Variants in CACNB4 observed in about 807,000 individuals in gnomAD.
CACNB4 encodes the protein voltage-dependent L-type calcium channel subunit beta-4.
In CACNB4, 32 loss-of-function variants were observed where a neutral mutation model predicts 71.2. The ratio of observed to expected loss-of-function variants is 0.45; its 90% CI spans 0.34 to 0.60. The LOEUF (loss-of-function observed/expected upper bound fraction) is 0.60. Ranked by LOEUF, CACNB4 falls within the 20% of genes least tolerant of loss-of-function variation. The pLI, the probability that CACNB4 is intolerant of heterozygous loss-of-function variation, is 0.01. For missense variants in CACNB4, 464 were observed against 647.9 expected (o/e 0.72, Z 3.08); for synonymous variants, 231 against 236.9 (o/e 0.97, Z 0.23).
At chr2:151,896,832 C>A (rs895516343) in intron 2 of CACNB4, among the ~76,000 whole-genome samples, 4 of 152,124 alleles carry the variant, frequency 2.6e-5, no homozygotes, top group Non-Finnish European at 5.9e-5. Flanking sequence ...CTAATTTAGT[C>A]ACAATAAAAA....
intron 2 of CACNB4, among the ~76,000 whole-genome samples, chr2:151,934,209 T>C (rs1489472420): frequency 6.6e-6 from 1 of 152,218 alleles, no homozygotes; most frequent in Non-Finnish European, 1.5e-5. Context: ...CCAAGACTAT[T>C]CTGCTCTCTT....
chr2:152,093,400 G>GGTGTGTGTGTGTGTGT (rs34845177), intron 2 of CACNB4, among the ~76,000 whole-genome samples: 161 of 146,648 alleles, frequency 1.1e-3, no homozygotes, highest in South Asian at 9.7e-3. Flanking sequence ...GCTGTTTTTT[G>GGTGTGTGTGTGTGTGT]GTGTGTGTGT....
At chr2:152,033,202 G>A (rs982654074) in intron 2 of CACNB4, among the ~76,000 whole-genome samples, 1 of 152,192 alleles carries the variant, frequency 6.6e-6, no homozygotes, top group Non-Finnish European at 1.5e-5. Flanking sequence ...GAAGCGGGGT[G>A]GGGGAATGAG....
At chr2:152,081,118 T>C (rs1436517931) in intron 2 of CACNB4, among the ~76,000 whole-genome samples, 2 of 152,210 alleles carry the variant, frequency 1.3e-5, no homozygotes, top group African/African-American at 4.8e-5. Flanking sequence ...TCTTGTGATA[T>C]CATACACAAG....
chr2:151,875,443 T>A (rs1406418271), intron 5 of CACNB4, among the ~76,000 whole-genome samples: 4 of 151,936 alleles, frequency 2.6e-5, no homozygotes, highest in Admixed American at 6.6e-5. Context: ...TTTCCCCACC[T>A]TTCCCCCTTT....
chr2:151,892,831 A>G (rs1025402202), intron 2 of CACNB4, among the ~76,000 whole-genome samples: 5 of 152,214 alleles, frequency 3.3e-5, no homozygotes, highest in Admixed American at 1.3e-4. Flanking sequence ...GGAGACCCCA[A>G]TACTGCCCAG....
At position 151,951,184 on chromosome 2, in the gene CACNB4, C is replaced by A. The variant is rs1487429165; in HGVS notation, c.148-67814G>T. On this transcript the variant is annotated intron_variant, in intron 2 of 13. Coordinates refer to ENST00000539935, the MANE Select transcript of CACNB4 (RefSeq NM_000726.5). The stretch of plus-strand genomic sequence containing the variant: ...CAAGTGATCCACCCACCTCAGCCTC[C>A]CAAAGTGCTAGGATTACAAGCATGG... Among the ~76,000 whole-genome samples the A allele has an allele frequency of 2.6e-5, 4 of 152,118 alleles. No homozygotes were observed. The East Asian group carries it at 5.8e-4, about 22-fold the overall frequency.
chr2:152,089,629 T>C (rs1687856384), intron 2 of CACNB4, among the ~76,000 whole-genome samples: 2 of 152,086 alleles, frequency 1.3e-5, no homozygotes, highest in African/African-American at 4.8e-5. Context: ...TCTTCCAAAA[T>C]ATGGCTTAAA....
At chr2:151,884,660 G>T (rs1300073076) in intron 2 of CACNB4, among the ~76,000 whole-genome samples, 1 of 129,650 alleles carries the variant, frequency 7.7e-6, no homozygotes, top group Non-Finnish European at 1.6e-5. Context: ...AAAAAAAAAA[G>T]TTCTGAAATC....
intron 2 of CACNB4, among the ~76,000 whole-genome samples, chr2:152,003,425 G>A (rs988673433): frequency 1.1e-4 from 17 of 150,854 alleles, no homozygotes; most frequent in Admixed American, 7.9e-4. Context: ...CAGCCTGGGC[G>A]ACAGACCAAG....
chr2:152,081,747 TA>T (rs1300142213), intron 2 of CACNB4, among the ~76,000 whole-genome samples: 1 of 152,116 alleles, frequency 6.6e-6, no homozygotes, highest in African/African-American at 2.4e-5. Context: ...ACATATGATT[TA>T]AAAAAATATA....
intron 6 of CACNB4, 65 bp downstream of exon 6, chr2:151,872,352 A>C: frequency 2.3e-6 from 2 of 866,286 alleles, no homozygotes; most frequent in Non-Finnish European, 3.8e-6. Context: ...AACTACTTGC[A>C]TGTGTGTTCA....
At chr2:151,986,856 C>T (rs141835080) in intron 2 of CACNB4, among the ~76,000 whole-genome samples, 9 of 152,206 alleles carry the variant, frequency 5.9e-5, no homozygotes, top group African/African-American at 2.2e-4. Flanking sequence ...TGGGGGGAGT[C>T]ACACATTGAA....
chr2:152,085,534 C>A (rs1353399759), intron 2 of CACNB4, among the ~76,000 whole-genome samples: 2 of 152,140 alleles, frequency 1.3e-5, no homozygotes, highest in Admixed American at 6.5e-5. Flanking sequence ...CCCTGGGCAG[C>A]CTCATCCTCC....
chr2:151,896,882 A>G (rs2151492698), intron 2 of CACNB4, among the ~76,000 whole-genome samples: 1 of 152,346 alleles, frequency 6.6e-6, no homozygotes, highest in Admixed American at 6.5e-5. Context: ...GAAGTAAACA[A>G]GGCTTAGAGA....
At chr2:151,863,063 T>C (rs1373819363) in intron 9 of CACNB4, among the ~76,000 whole-genome samples, 1 of 152,032 alleles carries the variant, frequency 6.6e-6, no homozygotes, top group African/African-American at 2.4e-5. Flanking sequence ...TGTGGTTTTT[T>C]TTTTTTAATT....
At chr2:151,950,004 C>T (rs1351424725) in intron 2 of CACNB4, among the ~76,000 whole-genome samples, 1 of 151,902 alleles carries the variant, frequency 6.6e-6, no homozygotes, top group Non-Finnish European at 1.5e-5. Flanking sequence ...GCTGAGATGG[C>T]ATTCCAGCCT....
At chr2:151,948,792 A>C (rs537149263) in intron 2 of CACNB4, among the ~76,000 whole-genome samples, 1 of 152,300 alleles carries the variant, frequency 6.6e-6, no homozygotes, top group East Asian at 1.9e-4. Context: ...GTGTAAGTGG[A>C]ATAAGGTGGG....
chr2:152,020,761 A>G (rs1683616148), intron 2 of CACNB4, among the ~76,000 whole-genome samples: 1 of 152,162 alleles, frequency 6.6e-6, no homozygotes, highest in African/African-American at 2.4e-5. Flanking sequence ...CACCCAGAGG[A>G]GGAAGCCGGG....
Sources: allele counts gnomAD v4.1 joint callset (sites outside exome capture counted in the v4.1 genomes callset), GRCh38; gene constraint gnomAD v4.1.1; transcripts MANE v1.5; gene names NCBI Gene and HGNC (gene_info 2026-07-23, HGNC 2026-07-21).